Variants in TRAF3 observed in about 807,000 individuals in gnomAD.
TRAF3 encodes TNF receptor associated factor 3.
A neutral mutation model predicts 62.3 loss-of-function variants in TRAF3; 13 were observed. The observed-to-expected ratio is 0.21, with a 90% CI of 0.14 to 0.33. The LOEUF is 0.33. Ranked by LOEUF, TRAF3 falls within the 10% of genes least tolerant of loss-of-function variation. TRAF3 has a pLI of 1.00. For missense variants in TRAF3, 440 were observed against 741.8 expected, an observed-to-expected ratio of 0.59 and a Z score of 4.73; for synonymous variants, 269 against 283.4, an observed-to-expected ratio of 0.95 and a Z score of 0.51.
chr14:102,870,278 G>A lies in TRAF3; in HGVS notation c.77G>A (p.Ser26Asn). 2 of 1,614,226 alleles carry A rather than the reference G, an allele frequency of 1.2e-6. No individual in the cohort carries two copies. The highest frequency in any genetic ancestry group is 1.7e-6 in the Non-Finnish European group (2 of 1,180,042). Residue 26 changes from serine to asparagine, a missense_variant, in exon 3 of 12, where the codon AGT (serine) becomes AAT (asparagine). Coordinates refer to ENST00000392745, the MANE Select transcript of TRAF3 (RefSeq NM_145725.3). ...CCGCTAAAGCTGCACACTGACCGCA[G>A]TGCTGGGACGCCAGTTTTTGTCCCT... ...NPPLKLHTDR[S>N]AGTPVFVPEQ...
chr14:102,793,518 G>C (rs1414417142), intron 1 of TRAF3, among the ~76,000 whole-genome samples: 1 of 152,144 alleles, frequency 6.6e-6, no homozygotes, highest in African/African-American at 2.4e-5. Flanking sequence ...TCTCCTAATT[G>C]AGAAAATTCT....
Position 102,826,509 on chromosome 14 carries a change from A to G in TRAF3, c.-156-3825A>G, listed in dbSNP as rs187512130. On this transcript the variant is annotated intron_variant, in intron 1 of 11. Coordinates refer to ENST00000392745, the MANE Select transcript of TRAF3 (RefSeq NM_145725.3). This position sits in a 1 kb window ranked among gnomAD's most constrained non-coding sequence, Gnocchi z 4.6. ...TGCTGCCAGGGGTGGGAAGGGAGTC[A>G]GTGAAGACGTCCTGGAGGAGAAGAT... 8.5e-5 allele frequency among the ~76,000 whole-genome samples: 13 copies of G among 152,290 alleles called. No individual in the cohort carries two copies. Among genetic ancestry groups the G allele is most frequent in the Admixed American group, 7.8e-4 (12 of 15,298 alleles).
chr14:102,891,524 A>G, intron 9 of TRAF3, 107 bp downstream of exon 9: 2 of 1,204,492 alleles, frequency 1.7e-6, no homozygotes, highest in Middle Eastern at 1.9e-4. Flanking sequence ...AAAAGAAACT[A>G]TCAAGAGAAT....
At chr14:102,837,348 A>G (rs1886088532) in intron 2 of TRAF3, among the ~76,000 whole-genome samples, 1 of 152,150 alleles carries the variant, frequency 6.6e-6, no homozygotes, top group African/African-American at 2.4e-5. Context: ...TATGTTGCCC[A>G]GGCTGGTCTT....
At chr14:102,854,799 C>CTATTTTTTTT (rs1566777023) in intron 2 of TRAF3, among the ~76,000 whole-genome samples, 1 of 113,618 alleles carries the variant, frequency 8.8e-6, no homozygotes. Context: ...CCGCACCTGG[C>CTATTTTTTTT]TGTTTTTTTT....
intron 6 of TRAF3, among the ~76,000 whole-genome samples, chr14:102,877,127 C>CG (rs1220866879): frequency 3.5e-5 from 5 of 144,320 alleles, no homozygotes; most frequent in African/African-American, 7.9e-5. Context: ...ACAGGCCTTC[C>CG]CTCAACTCAT....
Position 102,854,790 on chromosome 14 carries a change from C to T in TRAF3, c.-17-15395C>T, listed in dbSNP as rs942805771. 4.7e-5 allele frequency among the ~76,000 whole-genome samples: 7 copies of T among 148,280 alleles called. No homozygotes were observed. In the South Asian group the frequency reaches 6.4e-4, roughly 13 times the overall value. On this transcript the variant is annotated intron_variant, in intron 2 of 11. Transcript: ENST00000392745. ...TGCTGGGATTATAGGTGTCAGCTGC[C>T]GCACCTGGCTGTTTTTTTTTTTTTT...
At position 102,839,210 on chromosome 14, in the gene TRAF3, C is replaced by CCTTTTT. The variant is rs1310697452; in HGVS notation, c.-18+8738_-18+8739insCTTTTT. ...GAGAGATGCTTATTGGTTGATTTGC[C>CCTTTTT]TTTTTTTTTTTTTTTTTTTTTTTTT... On this transcript the variant is annotated intron_variant, in intron 2 of 11. Transcript: ENST00000392745. 5.3e-4 allele frequency among the ~76,000 whole-genome samples: 48 copies of CCTTTTT among 89,830 alleles called. 8 individuals carry two copies. Among genetic ancestry groups the CCTTTTT allele is most frequent in the African/African-American group, 1.9e-3 (44 of 22,590 alleles). 58.9% of individuals were successfully genotyped at this position (89,830 alleles called of 152,430 possible).
intron 1 of TRAF3, among the ~76,000 whole-genome samples, chr14:102,808,213 TGAAA>T (rs1898892249): frequency 6.6e-6 from 1 of 151,960 alleles, no homozygotes; most frequent in Non-Finnish European, 1.5e-5. Flanking sequence ...GAGATGGATG[TGAAA>T]GAAGAACACA....
rs201374351 is a variant in TRAF3 at position 102,903,386 on chromosome 14, G to A, written c.1092G>A (p.Leu364=). ...VESLQNRVTE[L]ESVDKSAGQV... The stretch of plus-strand genomic sequence containing the variant: ...CCCTCCAGAACCGCGTGACCGAGCT[G>A]GAGAGCGTGGACAAGAGCGCGGGGC... The change falls in exon 11 of 12, where the codon CTG becomes CTA. Residue 364 remains leucine (L), a synonymous_variant. Coordinates refer to ENST00000392745, the MANE Select transcript of TRAF3 (RefSeq NM_145725.3). The surrounding 1 kb of genome is among the most constrained non-coding windows in gnomAD (Gnocchi z 6.4). 2.6e-4 allele frequency: 423 copies of A among 1,614,184 alleles called. 5 individuals carry two copies. In the East Asian group the frequency reaches 8.3e-3, roughly 32 times the overall value.
chr14:102,777,512 G>A lies in TRAF3; in HGVS notation c.-320G>A, dbSNP rs955824551. On this transcript the variant is annotated 5_prime_UTR_variant, in exon 1 of 12. Coordinates refer to ENST00000392745, the MANE Select transcript of TRAF3 (RefSeq NM_145725.3). ...GGCGCGGCCGCCGCGTGCGCGAGCC[G>A]GGGTTGCAGCCCAGCCGGGACTTTC... The A allele has an allele frequency of 6.9e-6, 1 of 144,892 alleles. No individual in the cohort carries two copies. The highest frequency in any genetic ancestry group is 2.5e-5 in the African/African-American group (1 of 40,382). 9.0% of individuals were successfully genotyped at this position (144,892 alleles called of 1,614,324 possible).
chr14:102,839,209 C>CTTTTTTTTTTTT (rs1886214672), intron 2 of TRAF3, among the ~76,000 whole-genome samples: 1 of 86,180 alleles, frequency 1.2e-5, no homozygotes, highest in African/African-American at 7.7e-5. Flanking sequence ...GGTTGATTTG[C>CTTTTTTTTTTTT]CTTTTTTTTT....
intron 1 of TRAF3, among the ~76,000 whole-genome samples, chr14:102,795,898 G>A (rs1898058205): frequency 1.3e-5 from 2 of 152,132 alleles, no homozygotes; most frequent in South Asian, 4.1e-4. Flanking sequence ...TGTAAGTCAT[G>A]CCTGTGTAAT....
chr14:102,857,323 G>T (rs1887429391), intron 2 of TRAF3, among the ~76,000 whole-genome samples: 1 of 152,190 alleles, frequency 6.6e-6, no homozygotes, highest in African/African-American at 2.4e-5. Context: ...CCAAGTTCCT[G>T]AAACATAATT....
chr14:102,903,682 AC>A lies in TRAF3; in HGVS notation c.1135+254del. 1 of 624,468 alleles carries A rather than the reference AC, an allele frequency of 1.6e-6. No homozygotes were observed. Among genetic ancestry groups the A allele is most frequent in the African/African-American group, 1.8e-5 (1 of 55,442 alleles). 38.7% of individuals were successfully genotyped at this position (624,468 alleles called of 1,614,324 possible). A position where few individuals can be genotyped will look rare whatever the true frequency, so the allele number is the denominator to read the frequency against. On this transcript the variant is annotated intron_variant, in intron 11 of 11. Coordinates refer to ENST00000392745, the MANE Select transcript of TRAF3 (RefSeq NM_145725.3). The surrounding 1 kb of genome is among the most constrained non-coding windows in gnomAD (Gnocchi z 6.4). ...GTAGAAAGTAGGGGCAGCTGCAGCCACGGGAAGCTGCAAAGCCCTCCTGGGA... is the reference window on the plus strand; with the variant it reads ...GTAGAAAGTAGGGGCAGCTGCAGCCAGGGAAGCTGCAAAGCCCTCCTGGGA...
At chr14:102,797,791 G>A (rs1390642433) in intron 1 of TRAF3, among the ~76,000 whole-genome samples, 1 of 149,884 alleles carries the variant, frequency 6.7e-6, no homozygotes, top group Admixed American at 6.7e-5. Flanking sequence ...GGCTGGAGGT[G>A]CAGTGGCGTG....
chr14:102,886,754 C>T (rs1216069965), intron 7 of TRAF3, among the ~76,000 whole-genome samples: 3 of 152,214 alleles, frequency 2.0e-5, no homozygotes, highest in African/African-American at 7.2e-5. Flanking sequence ...TAAACTCCGT[C>T]TCAAAAACAA....
At chr14:102,796,496 T>C (rs1898091953) in intron 1 of TRAF3, among the ~76,000 whole-genome samples, 1 of 152,162 alleles carries the variant, frequency 6.6e-6, no homozygotes, top group African/African-American at 2.4e-5. Flanking sequence ...GGTCAGAAGT[T>C]CTAGAGGCCT....
Position 102,876,769 on chromosome 14 carries a change from C to T in TRAF3, c.570+244C>T, listed in dbSNP as rs138201902. On this transcript the variant is annotated intron_variant, in intron 6 of 11. Transcript: ENST00000392745. Reference sequence around the variant, plus strand: ...TAGATAATCCGTTCCACAGGCCTTCCGCTCAGCTCACAGATAATCCGTTCC... The same window carrying T: ...TAGATAATCCGTTCCACAGGCCTTCTGCTCAGCTCACAGATAATCCGTTCC... 364 of 522,242 alleles carry T rather than the reference C, an allele frequency of 7.0e-4. 1 individual carries two copies. The highest frequency in any genetic ancestry group is 6.1e-3 in the African/African-American group (316 of 51,842). 32.4% of individuals were successfully genotyped at this position (522,242 alleles called of 1,614,324 possible).
Sources: gnomAD v4.1 joint callset for allele counts (sites outside exome capture counted in the v4.1 genomes callset) on GRCh38, gnomAD v4.1.1 for gene constraint, Gnocchi (gnomAD v3.1) non-coding constraint, MANE v1.5 for transcripts, NCBI Gene and HGNC (gene_info 2026-07-23, HGNC 2026-07-21) for gene names.